Variants in BCL9L observed in about 807,000 individuals in gnomAD.
BCL9L encodes the protein B-cell CLL/lymphoma 9-like protein.
A neutral mutation model predicts 99.4 loss-of-function variants in BCL9L; 19 were observed. The observed-to-expected ratio is 0.19, with a 90% CI of 0.13 to 0.28. BCL9L has a LOEUF of 0.28. BCL9L is among the 10% of genes least tolerant of loss of function. The probability of loss-of-function intolerance (pLI) is 1.00; values close to 1 mark genes in which losing one functional copy is unlikely to be tolerated. For missense variants in BCL9L, 2,023 were observed against 2,101.6 expected (o/e 0.96, Z 0.73); for synonymous variants, 900 against 854.8 (o/e 1.05, Z -0.92).
chr11:118,899,928 C>T lies in BCL9L; in HGVS notation c.3395G>A (p.Gly1132Asp). 6.2e-7 allele frequency: 1 copy of T among 1,612,744 alleles called. No homozygotes were observed. Among genetic ancestry groups the T allele is most frequent in the Non-Finnish European group, 8.5e-7 (1 of 1,179,686 alleles). Residue 1132 changes from glycine (G) to aspartate (D), a missense_variant, in exon 9 of 10, where the codon GGC (glycine) becomes GAC (aspartate). Physicochemically the swap from Gly to Asp is moderately conservative, Grantham distance 94. Transcript: ENST00000683865. ...PLLPPPPPPQ[G>D]SGPGISNSQP... is the part of the protein sequence containing the mutation. ...GCCTGTCCTCGCACCTGGCCCGGAG[C>T]CCTGCGGTGGTGGTGGGGGGGGCAG...
rs752530232 is a variant in BCL9L, at chr11:118,907,550, G to A, written c.465C>T (p.Tyr155=). ...GTCCAGAGCACCATTCGTCCCCACT[G>A]TACGGCTGCTTCCGCTCCAGCACAC... ...RRCVLERKQP[Y]SGDEWCSGPD... is the part of the protein sequence containing the mutation. The change falls in exon 5 of 10, where the codon TAC becomes TAT. Residue 155 remains tyrosine, a synonymous_variant. Coordinates refer to ENST00000683865, the MANE Select transcript of BCL9L (RefSeq NM_001378213.1). 1.2e-6 allele frequency: 2 copies of A among 1,614,152 alleles called. No individual in the cohort carries two copies. Among genetic ancestry groups the A allele is most frequent in the Non-Finnish European group, 1.7e-6 (2 of 1,180,026 alleles).
At chr11:118,918,002 C>T (rs1941018147) in intron 2 of BCL9L, among the ~76,000 whole-genome samples, 1 of 152,214 alleles carries the variant, frequency 6.6e-6, no homozygotes, top group Non-Finnish European at 1.5e-5. Flanking sequence ...GGCCAATGCT[C>T]CCCATCTCTT....
intron 2 of BCL9L, chr11:118,910,581 C>T (rs1940742943): frequency 6.6e-6 from 1 of 152,572 alleles, no homozygotes; most frequent in South Asian, 2.0e-4. Flanking sequence ...TCCCCGACCG[C>T]AAGAATGCAG....
At position 118,921,803 on chromosome 11, in the gene BCL9L, C is replaced by T. The variant is rs1302450266; in HGVS notation, c.-130-2924G>A. ...TCCCCTACTCCTGGGCAGTGGTGAC[C>T]ACCTTCTCCCCTCCAGAGTGGCACC... On this transcript the variant is annotated intron_variant, in intron 1 of 9. Coordinates refer to ENST00000683865, the MANE Select transcript of BCL9L (RefSeq NM_001378213.1). The surrounding 1 kb of genome is among the most constrained non-coding windows in gnomAD (Gnocchi z 5.4). Among the ~76,000 whole-genome samples, 2 of 152,014 alleles carry T rather than the reference C, an allele frequency of 1.3e-5. No homozygotes were observed. Among genetic ancestry groups the T allele is most frequent in the African/African-American group, 2.4e-5 (1 of 41,342 alleles).
At chr11:118,913,715 G>A (rs1176846858) in intron 2 of BCL9L, among the ~76,000 whole-genome samples, 1 of 147,160 alleles carries the variant, frequency 6.8e-6, no homozygotes, top group Non-Finnish European at 1.5e-5. Context: ...CTGGGAGAGA[G>A]GAGTGCCAAA....
rs747699770 is a variant in BCL9L, at chr11:118,897,443, G to A, written c.*972C>T. Reference sequence around the variant, plus strand: ...ATCCAAAGTGGAAAGCCAGGGCCCCGTGTCACCGGTGTGGGCAAACACACA... The same window carrying A: ...ATCCAAAGTGGAAAGCCAGGGCCCCATGTCACCGGTGTGGGCAAACACACA... On this transcript the variant is annotated 3_prime_UTR_variant, in exon 10 of 10. Coordinates refer to ENST00000683865, the MANE Select transcript of BCL9L (RefSeq NM_001378213.1). The A allele has an allele frequency of 9.8e-6, 2 of 205,012 alleles. No individual in the cohort carries two copies. Among genetic ancestry groups the A allele is most frequent in the Admixed American group, 1.1e-4 (2 of 18,512 alleles). The allele number at this position is 205,012 out of a possible 1,614,324, so 12.7% of individuals were successfully genotyped here. A position where few individuals can be genotyped will look rare whatever the true frequency, so the allele number is the denominator to read the frequency against.
rs1015141389 is a variant in BCL9L at position 118,898,062 on chromosome 11, C to A, written c.*353G>T. 23 of 445,368 alleles carry A rather than the reference C, an allele frequency of 5.2e-5. No individual in the cohort carries two copies. The highest frequency in any genetic ancestry group is 1.4e-4 in the Admixed American group (4 of 28,938). The allele number at this position is 445,368 out of a possible 1,614,324, so 27.6% of individuals were successfully genotyped here. A position where few individuals can be genotyped will look rare whatever the true frequency, so the allele number is the denominator to read the frequency against. On this transcript the variant is annotated 3_prime_UTR_variant, in exon 10 of 10. Coordinates refer to ENST00000683865, the MANE Select transcript of BCL9L (RefSeq NM_001378213.1). Reference sequence around the variant, plus strand: ...CTGACCTGTCCTTCCTCTCTCCCCCCAGATTCCCATCCAGGACTCCAAAAG... The same window carrying A: ...CTGACCTGTCCTTCCTCTCTCCCCCAAGATTCCCATCCAGGACTCCAAAAG...
In BCL9L at chr11:118,903,144, C is replaced by T. The variant is rs553077055; in HGVS notation, c.750-70G>A. The T allele has an allele frequency of 7.8e-6, 12 of 1,540,690 alleles. No homozygotes were observed. In the South Asian group the frequency reaches 1.3e-4, roughly 17 times the overall value. On this transcript the variant is annotated intron_variant, in intron 6 of 9. Coordinates refer to ENST00000683865, the MANE Select transcript of BCL9L (RefSeq NM_001378213.1). This position sits in a 1 kb window ranked among gnomAD's most constrained non-coding sequence, Gnocchi z 5.6. ...GGGAGCCCCACCCTCACCCACCCCA[C>T]CCTGCCCCTGCACGGGGCTCCCTCG...
At position 118,901,476 on chromosome 11, in the gene BCL9L, G is replaced by C. The variant is rs1403961642; in HGVS notation, c.2267C>G (p.Ser756Cys). 6.2e-7 allele frequency: 1 copy of C among 1,614,062 alleles called. No individual in the cohort carries two copies. The highest frequency in any genetic ancestry group is 1.3e-5 in the African/African-American group (1 of 75,036). ...RGLLSPPMGQ[S>C]GLREVDPPMG... The stretch of plus-strand genomic sequence containing the variant: ...GGGTGGGTCCACCTCCCTCAGCCCA[G>C]ACTGCCCCATGGGAGGGCTCAGGAG... Residue 756 changes from serine to cysteine, a missense_variant, in exon 8 of 10, where the codon TCT becomes TGT. Around this residue, in one of 3 missense-constraint regions of BCL9L, gnomAD observed 1,116 missense variants for 1,194.6 expected, o/e 0.93. Coordinates refer to ENST00000683865, the MANE Select transcript of BCL9L (RefSeq NM_001378213.1). This position sits in a 1 kb window ranked among gnomAD's most constrained non-coding sequence, Gnocchi z 6.6.
At chr11:118,913,534 C>G (rs1188992821) in intron 2 of BCL9L, among the ~76,000 whole-genome samples, 2 of 152,176 alleles carry the variant, frequency 1.3e-5, no homozygotes, top group Non-Finnish European at 2.9e-5. Flanking sequence ...GACAGCTACC[C>G]AATCCCCAGC....
chr11:118,898,308 CCT>C lies in BCL9L; in HGVS notation c.*105_*106del. On this transcript the variant is annotated 3_prime_UTR_variant, in exon 10 of 10. Transcript: ENST00000683865. ...TCCCTACACAAGCCCCCTCCCACCC[CCT>C]CCACCCCACCCCGCGACCCAGGCCA... is the stretch of plus-strand genomic sequence containing the variant. 9 of 562,546 alleles carry C rather than the reference CCT, an allele frequency of 1.6e-5. No individual in the cohort carries two copies. Among genetic ancestry groups the C allele is most frequent in the East Asian group, 4.5e-5 (1 of 22,126 alleles). The allele number at this position is 562,546 out of a possible 1,614,324, so 34.8% of individuals were successfully genotyped here. A position where few individuals can be genotyped will look rare whatever the true frequency, so the allele number is the denominator to read the frequency against.
In BCL9L at chr11:118,921,094, CT is replaced by C. The variant is rs2095227629; in HGVS notation, c.-130-2216del. ...AAAGATGCACATCCAAAGACGTTTCCTAAAAAGCACTCCAAATTCTCCAAGA... is the reference window on the plus strand; with the variant it reads ...AAAGATGCACATCCAAAGACGTTTCCAAAAAGCACTCCAAATTCTCCAAGA... On this transcript the variant is annotated intron_variant, in intron 1 of 9. Transcript: ENST00000683865. This position sits in a 1 kb window ranked among gnomAD's most constrained non-coding sequence, Gnocchi z 5.4. 1.3e-5 allele frequency among the ~76,000 whole-genome samples: 2 copies of C among 152,296 alleles called. No homozygotes were observed. Among genetic ancestry groups the C allele is most frequent in the South Asian group, 4.1e-4 (2 of 4,824 alleles).
At position 118,901,224 on chromosome 11, in the gene BCL9L, T is replaced by G; in HGVS notation, c.2519A>C (p.Gln840Pro). Residue 840 changes from glutamine to proline, a missense_variant, in exon 8 of 10, where the codon CAG becomes CCG. Around this residue, in one of 3 missense-constraint regions of BCL9L, gnomAD observed 1,116 missense variants for 1,194.6 expected, o/e 0.93. Transcript: ENST00000683865. This position sits in a 1 kb window ranked among gnomAD's most constrained non-coding sequence, Gnocchi z 6.6. ...GGPQKMLMPS[Q>P]FPNQGQQGFS... Reference sequence around the variant, plus strand: ...TCCCTGCTGGCCCTGGTTGGGAAACTGTGAAGGCATCAGCATCTTCTGCGG... The same window carrying G: ...TCCCTGCTGGCCCTGGTTGGGAAACGGTGAAGGCATCAGCATCTTCTGCGG... 6.2e-7 allele frequency: 1 copy of G among 1,613,898 alleles called. No homozygotes were observed. Among genetic ancestry groups the G allele is most frequent in the Non-Finnish European group, 8.5e-7 (1 of 1,179,938 alleles).
rs372846431 is a variant in BCL9L at position 118,903,274 on chromosome 11, C to G, written c.711G>C (p.Ser237=). 1 of 1,585,728 alleles carries G rather than the reference C, an allele frequency of 6.3e-7. No homozygotes were observed. The highest frequency in any genetic ancestry group is 1.1e-5 in the South Asian group (1 of 87,174). The change falls in exon 6 of 10, where the codon TCG becomes TCC. Residue 237 remains serine, a synonymous_variant. Transcript: ENST00000683865. The surrounding 1 kb of genome is among the most constrained non-coding windows in gnomAD (Gnocchi z 5.6). ...GGGTGGTGAAGACATATACGAACTG[C>G]GAGGGAGGCTTTCCGGGGACGCCCC... ...GGGGVPGKPP[S]QFVYVFTTHL... is the part of the protein sequence containing the mutation.
In BCL9L at chr11:118,902,380, G is replaced by A. The variant is rs746929202; in HGVS notation, c.1363C>T (p.Pro455Ser). The A allele has an allele frequency of 1.1e-5, 17 of 1,543,782 alleles. No individual in the cohort carries two copies. The highest frequency in any genetic ancestry group is 1.5e-5 in the Non-Finnish European group (17 of 1,148,838). Residue 455 changes from proline to serine, a missense_variant, in exon 8 of 10, where the codon CCC becomes TCC. By Grantham distance (74) the Pro-to-Ser change is moderately conservative (BLOSUM62 -1). Around this residue, in one of 3 missense-constraint regions of BCL9L, gnomAD observed 1,116 missense variants for 1,194.6 expected, o/e 0.93. Transcript: ENST00000683865. This position sits in a 1 kb window ranked among gnomAD's most constrained non-coding sequence, Gnocchi z 7.8. ...TTCAGCCCGCTGGGAGGGGCCGTGG[G>A]TGGCTGCTGGGGGGGAGGGGGGGCT... ...AQAPPPPQQP[P>S]TAPPSGLKKY...
In BCL9L at chr11:118,921,128, C is replaced by T. The variant is rs111623367; in HGVS notation, c.-130-2249G>A. Among the ~76,000 whole-genome samples, 2,737 of 152,272 alleles carry T rather than the reference C, an allele frequency of 0.018. 70 individuals carry two copies. Among genetic ancestry groups the T allele is most frequent in the East Asian group, 0.13 (679 of 5,178 alleles). ...ACTCCAAATTCTCCAAGAGTGGCCCCTTCAGACCCACAGAGGCTCCCGTAT... is the reference window on the plus strand; with the variant it reads ...ACTCCAAATTCTCCAAGAGTGGCCCTTTCAGACCCACAGAGGCTCCCGTAT... On this transcript the variant is annotated intron_variant, in intron 1 of 9. Coordinates refer to ENST00000683865, the MANE Select transcript of BCL9L (RefSeq NM_001378213.1). The surrounding 1 kb of genome is among the most constrained non-coding windows in gnomAD (Gnocchi z 5.4).
Position 118,908,666 on chromosome 11 carries a change from G to A in BCL9L, c.27-11C>T, listed in dbSNP as rs1304748756. ...CTGGGGTGGGGTAACCTGGGAGGAGGTGGGAGAAATGTGAAAAGTTAACCT... is the reference window on the plus strand; with the variant it reads ...CTGGGGTGGGGTAACCTGGGAGGAGATGGGAGAAATGTGAAAAGTTAACCT... On this transcript the variant is annotated splice_polypyrimidine_tract_variant and intron_variant, in intron 3 of 9. Transcript: ENST00000683865. 2.5e-6 allele frequency: 4 copies of A among 1,598,940 alleles called. No individual in the cohort carries two copies. The highest frequency in any genetic ancestry group is 3.4e-6 in the Non-Finnish European group (4 of 1,172,314).
chr11:118,911,187 C>T, intron 2 of BCL9L: 2 of 454,904 alleles, frequency 4.4e-6, no homozygotes, highest in South Asian at 3.1e-5. Flanking sequence ...TCCCCCCTCG[C>T]CTCCCCTACC....
At chr11:118,905,457 C>G (rs990518186) in intron 5 of BCL9L, among the ~76,000 whole-genome samples, 1 of 143,838 alleles carries the variant, frequency 7.0e-6, no homozygotes, top group Non-Finnish European at 1.5e-5. Context: ...TGCAGTGAGC[C>G]GAGATTGTGC....
Sources: gnomAD v4.1 joint callset for allele counts (sites outside exome capture counted in the v4.1 genomes callset) on GRCh38, gnomAD v4.1.1 for gene constraint, gnomAD v4.1.1 regional missense constraint, Gnocchi (gnomAD v3.1) non-coding constraint, MANE v1.5 for transcripts, NCBI Gene and HGNC (gene_info 2026-07-23, HGNC 2026-07-21) for gene names.